Variants in STAT3 observed in about 807,000 individuals in gnomAD.
The protein encoded by STAT3 is DNA-binding protein APRF.
In STAT3, 7 loss-of-function variants were observed where a neutral mutation model predicts 114.3. The ratio of observed to expected loss-of-function variants is 0.06; its 90% CI spans 0.03 to 0.11. The LOEUF (loss-of-function observed/expected upper bound fraction) is 0.11. STAT3 is among the 10% of genes least tolerant of loss of function. The pLI, the probability that STAT3 is intolerant of heterozygous loss-of-function variation, is 1.00. For synonymous variants in STAT3, 331 were observed against 354.5 expected (o/e 0.93, Z 0.74); for missense variants, 364 against 960.9 (o/e 0.38, Z 8.21).
At chr17:42,319,370 G>A (rs1427507791) in intron 21 of STAT3, among the ~76,000 whole-genome samples, 3 of 150,668 alleles carry the variant, frequency 2.0e-5, no homozygotes, top group African/African-American at 4.9e-5. Context: ...GGTGAAACCC[G>A]GTCTCTACTA....
chr17:42,339,469 T>G, intron 4 of STAT3, 60 bp from the exon 5 acceptor site: 46 of 1,541,496 alleles, frequency 3.0e-5, no homozygotes, highest in Non-Finnish European at 3.9e-5. Context: ...GGAATACCTC[T>G]ACCCAGCTTC....
chr17:42,362,136 T>C (rs1337011093), intron 1 of STAT3, among the ~76,000 whole-genome samples: 1 of 152,188 alleles, frequency 6.6e-6, no homozygotes, highest in Non-Finnish European at 1.5e-5. Flanking sequence ...AGAGGGCAAT[T>C]GGGCCACACA....
rs183293865 is a variant in STAT3, at chr17:42,314,362, C to G, written c.*1383G>C. On this transcript the variant is annotated 3_prime_UTR_variant, in exon 24 of 24. Coordinates refer to ENST00000264657, the MANE Select transcript of STAT3 (RefSeq NM_139276.3). ...AGTGTGCATCATGTCCAACCTGTAACTCTCTCCCCCTCTTCTTCCATGAGG... is the reference window on the plus strand; with the variant it reads ...AGTGTGCATCATGTCCAACCTGTAAGTCTCTCCCCCTCTTCTTCCATGAGG... The G allele has an allele frequency of 3.8e-3, 889 of 232,914 alleles. 2 individuals are homozygous for G. The highest frequency in any genetic ancestry group is 6.4e-3 in the Admixed American group (113 of 17,750). The allele number at this position is 232,914 out of a possible 1,614,324, so 14.4% of individuals were successfully genotyped here. A position where few individuals can be genotyped will look rare whatever the true frequency, so the allele number is the denominator to read the frequency against.
intron 1 of STAT3, among the ~76,000 whole-genome samples, chr17:42,351,140 A>G (rs1032278116): frequency 1.3e-5 from 2 of 151,934 alleles, no homozygotes; most frequent in African/African-American, 4.8e-5. Flanking sequence ...AAAAAAAAAA[A>G]AAAAAAAGAA....
At chr17:42,358,278 A>T (rs1206275784) in intron 1 of STAT3, among the ~76,000 whole-genome samples, 2 of 151,992 alleles carry the variant, frequency 1.3e-5, no homozygotes, top group African/African-American at 2.4e-5. Flanking sequence ...AAATTAGCCT[A>T]GCATGGTGGC....
intron 1 of STAT3, among the ~76,000 whole-genome samples, chr17:42,378,512 G>A (rs1456784927): frequency 6.6e-6 from 1 of 152,148 alleles, no homozygotes; most frequent in Non-Finnish European, 1.5e-5. Context: ...CTCCCAAAGT[G>A]CTGGGATTAC....
At chr17:42,327,109 A>G (rs2081762232) in intron 14 of STAT3, among the ~76,000 whole-genome samples, 1 of 152,336 alleles carries the variant, frequency 6.6e-6, no homozygotes, top group Admixed American at 6.5e-5. Flanking sequence ...CGTAAGGCAC[A>G]AAGAATAACA....
At position 42,315,136 on chromosome 17, in the gene STAT3, G is replaced by A. The variant is rs759943258; in HGVS notation, c.*609C>T. ...CTCCCAAAGTGCTGGGATTACAGGCGTGAGCCACCATGCCCGGCTGCTTAA... is the reference window on the plus strand; with the variant it reads ...CTCCCAAAGTGCTGGGATTACAGGCATGAGCCACCATGCCCGGCTGCTTAA... On this transcript the variant is annotated 3_prime_UTR_variant, in exon 24 of 24. Transcript: ENST00000264657. 4 of 205,182 alleles carry A rather than the reference G, an allele frequency of 1.9e-5. No homozygotes were observed. The highest frequency in any genetic ancestry group is 1.7e-4 in the South Asian group (1 of 5,968). 12.7% of individuals were successfully genotyped at this position (205,182 alleles called of 1,614,324 possible). A position where few individuals can be genotyped will look rare whatever the true frequency, so the allele number is the denominator to read the frequency against.
At chr17:42,376,150 C>CAA (rs35901220) in intron 1 of STAT3, among the ~76,000 whole-genome samples, 65 of 148,018 alleles carry the variant, frequency 4.4e-4, no homozygotes, top group South Asian at 8.5e-4. Flanking sequence ...GACTCCGTCT[C>CAA]AAAAAAAAAA....
intron 1 of STAT3, among the ~76,000 whole-genome samples, chr17:42,386,058 A>G (rs2085085634): frequency 1.3e-5 from 2 of 152,090 alleles, no homozygotes; most frequent in African/African-American, 2.4e-5. Flanking sequence ...GAGGTGGGCA[A>G]ATCACAAGGT....
intron 1 of STAT3, among the ~76,000 whole-genome samples, chr17:42,363,615 CTTTTTTT>C (rs78016340): frequency 1.2e-4 from 16 of 136,106 alleles, no homozygotes; most frequent in Non-Finnish European, 2.3e-4. Flanking sequence ...GGATAATTTT[CTTTTTTT>C]TTTTTTTTTG....
intron 1 of STAT3, among the ~76,000 whole-genome samples, chr17:42,377,520 A>G (rs142716595): frequency 2.0e-5 from 3 of 152,360 alleles, no homozygotes; most frequent in Non-Finnish European, 4.4e-5. Flanking sequence ...AACAACACCC[A>G]GAGAATAACA....
intron 4 of STAT3, among the ~76,000 whole-genome samples, chr17:42,342,252 G>A (rs2082472322): frequency 6.6e-6 from 1 of 152,062 alleles, no homozygotes; most frequent in South Asian, 2.1e-4. Context: ...GGAGGCCGAG[G>A]TGGATGGATC....
rs17883843 is a variant in STAT3, at chr17:42,388,394, C to A, written c.-139G>T. ...CCGAGGGGGAGAGACAGCGCCAAGCCGGGGTGCCTGTCCAGGATCCGGTTG... is the reference window on the plus strand; with the variant it reads ...CCGAGGGGGAGAGACAGCGCCAAGCAGGGGTGCCTGTCCAGGATCCGGTTG... On this transcript the variant is annotated 5_prime_UTR_variant, in exon 1 of 24. Coordinates refer to ENST00000264657, the MANE Select transcript of STAT3 (RefSeq NM_139276.3). 4.1e-6 allele frequency: 5 copies of A among 1,231,558 alleles called. No individual in the cohort carries two copies. The highest frequency in any genetic ancestry group is 5.1e-6 in the Non-Finnish European group (5 of 987,900). The allele number at this position is 1,231,558 out of a possible 1,614,324, so 76.3% of individuals were successfully genotyped here.
Position 42,346,662 on chromosome 17 carries a change from G to A in STAT3, c.180C>T (p.Leu60=), listed in dbSNP as rs1480190473. The A allele has an allele frequency of 1.9e-6, 3 of 1,614,136 alleles. No individual in the cohort carries two copies. The Admixed American group carries it at 5.0e-5, about 27-fold the overall frequency. ...TATACTGCTGGTCAATCTCTCCCAGGAGATTATGAAACACCAAAGTGGCAT... is the reference window on the plus strand; with the variant it reads ...TATACTGCTGGTCAATCTCTCCCAGAAGATTATGAAACACCAAAGTGGCAT... ...ESHATLVFHN[L]LGEIDQQYSR... The change falls in exon 3 of 24, where the codon CTC becomes CTT. Residue 60 remains leucine (L), a synonymous_variant. Coordinates refer to ENST00000264657, the MANE Select transcript of STAT3 (RefSeq NM_139276.3).
rs777345728 is a variant in STAT3, at chr17:42,315,338, G to A, written c.*407C>T. 4 of 410,770 alleles carry A rather than the reference G, an allele frequency of 9.7e-6. No homozygotes were observed. Among genetic ancestry groups the A allele is most frequent in the Non-Finnish European group, 1.8e-5 (4 of 222,486 alleles). The allele number at this position is 410,770 out of a possible 1,614,324, so 25.4% of individuals were successfully genotyped here. On this transcript the variant is annotated 3_prime_UTR_variant, in exon 24 of 24. Transcript: ENST00000264657. ...TAGCTATAGGTGGCCTGTGGCATTT[G>A]CTTACAGAAACAGGCAGAAGGATGC...
chr17:42,317,590 A>G (rs1046910709), intron 21 of STAT3: 2 of 342,630 alleles, frequency 5.8e-6, no homozygotes, highest in South Asian at 3.1e-5. Context: ...CGGCCTGGTC[A>G]TATCTCTTAG....
Position 42,352,123 on chromosome 17 carries a change from G to A in STAT3, c.-23-3584C>T, listed in dbSNP as rs1380549303. Among the ~76,000 whole-genome samples the A allele has an allele frequency of 9.2e-5, 14 of 152,052 alleles. No individual in the cohort carries two copies. The East Asian group carries it at 1.9e-3, about 21-fold the overall frequency. On this transcript the variant is annotated intron_variant, in intron 1 of 23. Coordinates refer to ENST00000264657, the MANE Select transcript of STAT3 (RefSeq NM_139276.3). Reference sequence around the variant, plus strand: ...TGGGAGGCCGAGGCGGGTGGATCACGAGGTCAGGAGTTCGAGACCAGCCTG... The same window carrying A: ...TGGGAGGCCGAGGCGGGTGGATCACAAGGTCAGGAGTTCGAGACCAGCCTG...
rs71157612 is a variant in STAT3 at position 42,316,957 on chromosome 17, GAAAA to G, written c.2145-60_2145-57del. The G allele has an allele frequency of 3.3e-5, 40 of 1,228,048 alleles. No individual in the cohort carries two copies. The South Asian group carries it at 5.3e-4, about 16-fold the overall frequency. 76.1% of individuals were successfully genotyped at this position (1,228,048 alleles called of 1,614,324 possible). ...AACGGGGGGTTGACAAGACACAATG[GAAAA>G]AAAAAAAAGAACAAAACACACACAC... On this transcript the variant is annotated intron_variant, in intron 22 of 23. Transcript: ENST00000264657.
Sources: gnomAD v4.1 joint callset for allele counts (sites outside exome capture counted in the v4.1 genomes callset) on GRCh38, gnomAD v4.1.1 for gene constraint, MANE v1.5 for transcripts, NCBI Gene and HGNC (gene_info 2026-07-23, HGNC 2026-07-21) for gene names.